Variants in KLHL38 observed in about 807,000 individuals in gnomAD.
The protein encoded by KLHL38 is kelch like family member 38.
In KLHL38, 38 loss-of-function variants were observed where a neutral mutation model predicts 39.6. That is an observed-to-expected ratio of 0.96 (90% CI 0.74 to 1.26). The LOEUF is 1.26. KLHL38 is among the 50% of genes most tolerant of loss of function. The pLI is 0.00. For missense variants in KLHL38, 803 were observed against 748.1 expected (o/e 1.07, Z -0.86); for synonymous variants, 322 against 302.2 (o/e 1.07, Z -0.68).
rs754559430 is a variant in KLHL38, at chr8:123,645,801, T to C, written c.1684A>G (p.Lys562Glu). 4.3e-6 allele frequency: 7 copies of C among 1,612,828 alleles called. No homozygotes were observed. In the Admixed American group the frequency reaches 8.4e-5, roughly 19 times the overall value. ...GTGAGGCAGGCATGGTCAAAGAGCTTGTGCGGCAGCTGTCCCTGGGATGTC... is the reference window on the plus strand; with the variant it reads ...GTGAGGCAGGCATGGTCAAAGAGCTCGTGCGGCAGCTGTCCCTGGGATGTC... ...TWTSQGQLPH[K>E]LFDHACLTLQ... The change falls in exon 4 of 4, where the codon AAG (lysine) becomes GAG (glutamate). Residue 562 changes from lysine (K) to glutamate (E), a missense_variant. Transcript: ENST00000684634.
At position 123,644,832 on chromosome 8, in the gene KLHL38, T is replaced by C. The variant is rs574891864; in HGVS notation, c.*907A>G. 6.6e-6 allele frequency among the ~76,000 whole-genome samples: 1 copy of C among 152,164 alleles called. No homozygotes were observed. The highest frequency in any genetic ancestry group is 1.5e-5 in the Non-Finnish European group (1 of 68,024). The stretch of plus-strand genomic sequence containing the variant: ...CAGTGATTGGCTCAAGAGGTAGACA[T>C]GGAATTCAAAAGAGGCCCATAAGCA... On this transcript the variant is annotated 3_prime_UTR_variant, in exon 4 of 4. Transcript: ENST00000684634.
At position 123,645,907 on chromosome 8, in the gene KLHL38, C is replaced by G; in HGVS notation, c.1578G>C (p.Thr526=). The change falls in exon 4 of 4, where the codon ACG becomes ACC. Residue 526 remains threonine (T), a synonymous_variant. Coordinates refer to ENST00000684634, the MANE Select transcript of KLHL38 (RefSeq NM_001081675.3). ...AGTCCGTGGTCAGCCGCCGCCCGCC[C>G]GTCACGTAGAGTTTGTTTCCCATCA... ...ATVMGNKLYV[T]GGRRLTTDCN... The G allele has an allele frequency of 6.2e-7, 1 of 1,614,088 alleles. No homozygotes were observed. The highest frequency in any genetic ancestry group is 1.1e-5 in the South Asian group (1 of 91,062).
chr8:123,646,101 C>A, intron 3 of KLHL38, 73 bp from the exon 4 acceptor site: 1 of 1,342,050 alleles, frequency 7.5e-7, no homozygotes, highest in Non-Finnish European at 1.1e-6. Flanking sequence ...TCCTGGGACG[C>A]GTCTGACTCC....
chr8:123,653,009 G>T, intron 1 of KLHL38, 82 bp from the exon 2 acceptor site: 1 of 1,374,272 alleles, frequency 7.3e-7, no homozygotes, highest in Non-Finnish European at 9.8e-7. Context: ...TCAGCTGTGG[G>T]GACTCCAAGA....
Position 123,652,826 on chromosome 8 carries a change from G to A in KLHL38, c.101C>T (p.Thr34Ile), listed in dbSNP as rs1812679534. 1 of 1,612,846 alleles carries A rather than the reference G, an allele frequency of 6.2e-7. No homozygotes were observed. The highest frequency in any genetic ancestry group is 2.2e-5 in the East Asian group (1 of 44,876). Residue 34 changes from threonine (T) to isoleucine (I), a missense_variant, in exon 2 of 4, where the codon ACT becomes ATT. Thr to Ile is a moderately conservative substitution (Grantham distance 89). Transcript: ENST00000684634. The part of the protein sequence containing the change: ...LNSLRQSRIL[T>I]DVSICAGARE... The stretch of plus-strand genomic sequence containing the variant: ...GGCACCGGCACAGATGCTCACATCA[G>A]TCAGGATCCTGCTTTGCCTTAAGCT...
rs201958346 is a variant in KLHL38 at position 123,651,911 on chromosome 8, C to G, written c.1016G>C (p.Gly339Ala). ...ACTCCTCCCTGAGCTGACAGCCATG[C>G]CCCCCAGCACATAGATGCTGCGGTG... ...TLHRSIYVLG[G>A]MAVSSGRSLV... The change falls in exon 2 of 4, where the codon GGC becomes GCC. Residue 339 changes from glycine to alanine, a missense_variant. Gly to Ala is a moderately conservative substitution (Grantham distance 60). Coordinates refer to ENST00000684634, the MANE Select transcript of KLHL38 (RefSeq NM_001081675.3). 1 of 1,613,076 alleles carries G rather than the reference C, an allele frequency of 6.2e-7. No homozygotes were observed. The highest frequency in any genetic ancestry group is 8.5e-7 in the Non-Finnish European group (1 of 1,179,114).
rs1818644700 is a variant in KLHL38, at chr8:123,645,463, G to GAA, written c.*275_*276insTT. 4.2e-6 allele frequency: 2 copies of GAA among 471,596 alleles called. No individual in the cohort carries two copies. Among genetic ancestry groups the GAA allele is most frequent in the Non-Finnish European group, 7.5e-6 (2 of 266,538 alleles). 29.2% of individuals were successfully genotyped at this position (471,596 alleles called of 1,614,324 possible). Reference sequence around the variant, plus strand: ...AAAAAAAGAAAAAGAGAGAGAGAGAGAGAGAGAGAGAGAGAGACAGACAGA... The same window carrying GAA: ...AAAAAAAGAAAAAGAGAGAGAGAGAGAAAGAGAGAGAGAGAGAGACAGACAGA... On this transcript the variant is annotated 3_prime_UTR_variant, in exon 4 of 4. Coordinates refer to ENST00000684634, the MANE Select transcript of KLHL38 (RefSeq NM_001081675.3).
chr8:123,648,058 G>A (rs2129742866), intron 2 of KLHL38, among the ~76,000 whole-genome samples: 1 of 152,310 alleles, frequency 6.6e-6, no homozygotes, highest in Non-Finnish European at 1.5e-5. Flanking sequence ...TCTAGCCTGG[G>A]TGACAGAGCG....
In KLHL38 at chr8:123,646,101, C is replaced by T. The variant is rs145686137; in HGVS notation, c.1457-73G>A. On this transcript the variant is annotated intron_variant, in intron 3 of 3. Transcript: ENST00000684634. ...ACTGGAGGTCAGCAGTCCTGGGACG[C>T]GTCTGACTCCTGCCACTGCGTAAGG... 1,627 of 1,342,044 alleles carry T rather than the reference C, an allele frequency of 1.2e-3. 13 individuals carry two copies. The African/African-American group carries it at 0.018, about 15-fold the overall frequency. The allele number at this position is 1,342,044 out of a possible 1,614,324, so 83.1% of individuals were successfully genotyped here. A position where few individuals can be genotyped will look rare whatever the true frequency, so the allele number is the denominator to read the frequency against.
rs992338801 is a variant in KLHL38, at chr8:123,651,945, T to C, written c.982A>G (p.Ile328Val). ...ACATAGATGCTGCGGTGCAAGGTGATGGCAGAGGCCTTGTACAGCCGTGTC... is the reference window on the plus strand; with the variant it reads ...ACATAGATGCTGCGGTGCAAGGTGACGGCAGAGGCCTTGTACAGCCGTGTC... ...LPTRLYKASA[I>V]TLHRSIYVLG... is the part of the protein sequence containing the mutation. The change falls in exon 2 of 4, where the codon ATC becomes GTC. Residue 328 changes from isoleucine to valine, a missense_variant. Transcript: ENST00000684634. 13 of 1,614,140 alleles carry C rather than the reference T, an allele frequency of 8.1e-6. No individual in the cohort carries two copies. In the Admixed American group the frequency reaches 1.8e-4, roughly 23 times the overall value.
rs752806001 is a variant in KLHL38 at position 123,652,173 on chromosome 8, A to G, written c.754T>C (p.Leu252=). The change falls in exon 2 of 4, where the codon TTG becomes CTG. Residue 252 remains leucine (L), a synonymous_variant. Transcript: ENST00000684634. ...LQSSPACQII[L]ETAKRQMFSL... ...AACATCTGTCTCTTGGCGGTCTCCA[A>G]GATGATCTGGCATGCAGGCGAGGAC... 1.9e-6 allele frequency: 3 copies of G among 1,614,168 alleles called. No homozygotes were observed. The highest frequency in any genetic ancestry group is 1.1e-5 in the South Asian group (1 of 91,082).
chr8:123,650,415 C>G (rs955138101), intron 2 of KLHL38, among the ~76,000 whole-genome samples: 5 of 152,196 alleles, frequency 3.3e-5, no homozygotes, highest in African/African-American at 4.8e-5. Flanking sequence ...CAAGCTTGCT[C>G]TAGACTGGTT....
Position 123,652,294 on chromosome 8 carries a change from C to T in KLHL38, c.633G>A (p.Arg211=), listed in dbSNP as rs775406894. The change falls in exon 2 of 4, where the codon CGG becomes CGA. Residue 211 remains arginine (R), a synonymous_variant. Transcript: ENST00000684634. ...TGAACAGTTCCTGCATGTATCGCTT[C>T]CGGGCCTGGAGGTCATGCTTGATCC... The part of the protein sequence containing the change: ...MVWIKHDLQA[R]KRYMQELFKQ... The T allele has an allele frequency of 1.9e-6, 3 of 1,614,008 alleles. No homozygotes were observed. Among genetic ancestry groups the T allele is most frequent in the South Asian group, 2.2e-5 (2 of 91,074 alleles).
Position 123,645,563 on chromosome 8 carries a change from A to G in KLHL38, c.*176T>C. 2 of 620,864 alleles carry G rather than the reference A, an allele frequency of 3.2e-6. No homozygotes were observed. The highest frequency in any genetic ancestry group is 5.7e-6 in the Non-Finnish European group (2 of 353,940). 38.5% of individuals were successfully genotyped at this position (620,864 alleles called of 1,614,324 possible). On this transcript the variant is annotated 3_prime_UTR_variant, in exon 4 of 4. Transcript: ENST00000684634. ...GGGGGAGAGAGATAAGGAGAGAGGC[A>G]GAGAAGGAGAGAGAGAGTTCTGGCA...
chr8:123,647,465 G>GT (rs1818682319), intron 2 of KLHL38, among the ~76,000 whole-genome samples: 1 of 152,178 alleles, frequency 6.6e-6, no homozygotes, highest in Non-Finnish European at 1.5e-5. Context: ...AGTGAGGAAG[G>GT]TTTTTGAACC....
intron 3 of KLHL38, 45 bp downstream of exon 3, chr8:123,646,864 G>T: frequency 7.5e-7 from 1 of 1,335,980 alleles, no homozygotes; most frequent in Non-Finnish European, 1.1e-6. Flanking sequence ...TCCATAGAAG[G>T]TGCCAAGTTT....
chr8:123,645,515 G>GGA lies in KLHL38; in HGVS notation c.*223_*224insTC. 1.8e-6 allele frequency: 1 copy of GGA among 567,428 alleles called. No individual in the cohort carries two copies. Among genetic ancestry groups the GGA allele is most frequent in the Non-Finnish European group, 3.1e-6 (1 of 320,084 alleles). 35.1% of individuals were successfully genotyped at this position (567,428 alleles called of 1,614,324 possible). A position where few individuals can be genotyped will look rare whatever the true frequency, so the allele number is the denominator to read the frequency against. On this transcript the variant is annotated 3_prime_UTR_variant, in exon 4 of 4. Coordinates refer to ENST00000684634, the MANE Select transcript of KLHL38 (RefSeq NM_001081675.3). ...ATAGGGGAGAGAAAGAAAGAAGGGG[G>GGA]AAAGACAGAGACAGATGGAGGTGGG... is the stretch of plus-strand genomic sequence containing the variant.
Position 123,652,808 on chromosome 8 carries a change from G to T in KLHL38, c.119C>A (p.Ala40Asp). ...GTGGCAGGGGATCTCCCGGGCACCG[G>T]CACAGATGCTCACATCAGTCAGGAT... ...SRILTDVSIC[A>D]GAREIPCHRN... Residue 40 changes from alanine to aspartate, a missense_variant, in exon 2 of 4, where the codon GCC becomes GAC. Physicochemically the swap from Ala to Asp is moderately radical, Grantham distance 126. Transcript: ENST00000684634. The T allele has an allele frequency of 6.2e-7, 1 of 1,613,600 alleles. No homozygotes were observed. The highest frequency in any genetic ancestry group is 8.5e-7 in the Non-Finnish European group (1 of 1,180,024).
chr8:123,651,459 T>C (rs1291127086), intron 2 of KLHL38, 118 bp downstream of exon 2: 20 of 1,017,386 alleles, frequency 2.0e-5, no homozygotes, highest in Non-Finnish European at 2.7e-5. Context: ...TATATTTATG[T>C]GCATATATGT....
Sources: allele counts gnomAD v4.1 joint callset (sites outside exome capture counted in the v4.1 genomes callset), GRCh38; gene constraint gnomAD v4.1.1; transcripts MANE v1.5; gene names NCBI Gene and HGNC (gene_info 2026-07-23, HGNC 2026-07-21).